Variants in MIAT observed in about 807,000 individuals in gnomAD.
MIAT encodes MI related novel mRNA.
At chr22:26,657,212 A>C (rs1274720097) in intron 2 of MIAT, 1 of 293,146 alleles carries the variant, frequency 3.4e-6, no homozygotes, top group Admixed American at 5.2e-5. Flanking sequence ...TGGACGGGCA[A>C]GCGTTGCCAT....
intron 3 of MIAT, among the ~76,000 whole-genome samples, chr22:26,664,586 A>G (rs1930779494): frequency 6.6e-6 from 1 of 152,218 alleles, no homozygotes; most frequent in Admixed American, 6.5e-5. Flanking sequence ...GATATTTTGT[A>G]TAAATGAGAT....
chr22:26,676,352 A>G, exon 5 of MIAT: 1 of 398,660 alleles, frequency 2.5e-6, no homozygotes, highest in Non-Finnish European at 4.4e-6. Flanking sequence ...TTCTCTGTAG[A>G]TTAAAAATCA....
exon 5 of MIAT, chr22:26,675,253 C>G (rs992257267): frequency 4.8e-5 from 19 of 398,638 alleles, no homozygotes; most frequent in African/African-American, 3.9e-4. Flanking sequence ...TGGTGGACAC[C>G]AGTTTCTGGG....
At chr22:26,655,179 T>C (rs922298207) in intron 2 of MIAT, among the ~76,000 whole-genome samples, 6 of 152,196 alleles carry the variant, frequency 3.9e-5, no homozygotes, top group African/African-American at 1.4e-4. Context: ...GGTAGGAGGC[T>C]GTGTCTAAAG....
At chr22:26,670,271 C>G, downstream of MIAT, 1 of 398,464 alleles carries the variant, frequency 2.5e-6, no homozygotes, top group Non-Finnish European at 4.4e-6. Context: ...ACTTTGGGCC[C>G]TTTCCCGTGC....
intron 3 of MIAT, among the ~76,000 whole-genome samples, chr22:26,664,258 C>T (rs1282654275): frequency 2.6e-5 from 4 of 152,008 alleles, no homozygotes; most frequent in Admixed American, 6.6e-5. Context: ...GTGGTCGCCT[C>T]GGCCTCCCAA....
chr22:26,661,269 G>A (rs1930652505), intron 2 of MIAT, among the ~76,000 whole-genome samples: 1 of 152,152 alleles, frequency 6.6e-6, no homozygotes. Context: ...GAGCTCCGAG[G>A]AACAATAGCC....
At chr22:26,672,469 T>C (rs923047611), downstream of MIAT, 31 of 399,266 alleles carry the variant, frequency 7.8e-5, no homozygotes, top group Admixed American at 8.8e-5. Flanking sequence ...ATCTCTCCTA[T>C]GTGCAGAAGT....
chr22:26,658,649 G>T (rs551491455), intron 2 of MIAT, among the ~76,000 whole-genome samples: 23 of 152,164 alleles, frequency 1.5e-4, no homozygotes, highest in African/African-American at 4.3e-4. Flanking sequence ...AGGAGGCCTG[G>T]GGGGCGCGCC....
At chr22:26,661,374 C>T (rs1801590412) in intron 2 of MIAT, among the ~76,000 whole-genome samples, 1 of 152,126 alleles carries the variant, frequency 6.6e-6, no homozygotes, top group South Asian at 2.1e-4. Flanking sequence ...GGCAGGTGTC[C>T]CCTTATCCCT....
chr22:26,661,568 G>T (rs1930663405), intron 2 of MIAT, among the ~76,000 whole-genome samples: 1 of 152,120 alleles, frequency 6.6e-6, no homozygotes, highest in South Asian at 2.1e-4. Flanking sequence ...CCATGATAAG[G>T]CAGGGATTAG....
exon 5 of MIAT, chr22:26,676,238 T>A: frequency 2.5e-6 from 1 of 397,160 alleles, no homozygotes; most frequent in Non-Finnish European, 4.4e-6. Flanking sequence ...AAGGCCCTCT[T>A]GAGAGTCTAT....
At chr22:26,647,374 GGAGAGAGAGAGAGAGAGAGAGAGAGAGA>G in intron 2 of MIAT, 3 of 125,874 alleles carry the variant, frequency 2.4e-5, no homozygotes, top group Non-Finnish European at 3.9e-5. Flanking sequence ...CGTGGGGGGT[GGAGAGAGAGAGAGAGAGAGAGAGAGAGA>G]GAGAGAGAGA....
chr22:26,668,497 C>T (rs1455630130), exon 6 of MIAT: 3 of 398,884 alleles, frequency 7.5e-6, no homozygotes, highest in Non-Finnish European at 1.3e-5. Flanking sequence ...CCCTTTCCTG[C>T]CCCATGTGAA....
intron 2 of MIAT, among the ~76,000 whole-genome samples, chr22:26,658,872 A>C (rs916587253): frequency 2.0e-5 from 3 of 152,240 alleles, no homozygotes; most frequent in Non-Finnish European, 2.9e-5. Context: ...AGCACGACTC[A>C]AAGCAAAACA....
intron 2 of MIAT, among the ~76,000 whole-genome samples, chr22:26,659,443 C>T (rs910647083): frequency 4.6e-5 from 7 of 152,172 alleles, no homozygotes. Context: ...TAACCCTACT[C>T]CTTAACAGGG....
At chr22:26,649,772 G>T (rs915597823) in intron 2 of MIAT, among the ~76,000 whole-genome samples, 1 of 152,242 alleles carries the variant, frequency 6.6e-6, no homozygotes, top group African/African-American at 2.4e-5. Flanking sequence ...AATTAGCTGG[G>T]TGTGGTGGCA....
At chr22:26,671,452 G>A (rs1356428391), downstream of MIAT, 6 of 398,646 alleles carry the variant, frequency 1.5e-5, no homozygotes, top group Non-Finnish European at 2.7e-5. Flanking sequence ...ACGCTGTGGC[G>A]TGTGACGAGG....
intron 2 of MIAT, among the ~76,000 whole-genome samples, chr22:26,653,908 CTT>C (rs1237605523): frequency 6.6e-6 from 1 of 152,088 alleles, no homozygotes; most frequent in Non-Finnish European, 1.5e-5. Flanking sequence ...CCTGGCTAAT[CTT>C]TGTATTTTTA....
Sources: gnomAD v4.1 joint callset for allele counts (sites outside exome capture counted in the v4.1 genomes callset) on GRCh38, gnomAD v4.1.1 for gene constraint, MANE v1.5 for transcripts, NCBI Gene and HGNC (gene_info 2026-07-23, HGNC 2026-07-21) for gene names.